CACNB2: variants seen among roughly 807,000 people sequenced by gnomAD.
CACNB2 encodes the protein voltage-dependent L-type calcium channel subunit beta-2.
In CACNB2, 42 loss-of-function variants were observed where a neutral mutation model predicts 73.3. The observed-to-expected ratio is 0.57, with a 90% confidence interval of 0.45 to 0.74. CACNB2 has a LOEUF of 0.74. Among genes scored for constraint, CACNB2 ranks in the 30% least tolerant of loss-of-function variants. CACNB2 has a pLI of 0.00. For missense variants in CACNB2, 940 were observed against 853.0 expected, an observed-to-expected ratio of 1.10 and a Z score of -1.27; for synonymous variants, 348 against 310.3, an observed-to-expected ratio of 1.12 and a Z score of -1.28.
Position 18,461,174 on chromosome 10 carries a change from A to G in CACNB2, c.334-37181A>G, listed in dbSNP as rs553112116. Reference sequence around the variant, plus strand: ...CCTGATCTGCACACCTCGGCCTCCCAAAGTGCTGGGAATACAGGCATGAGC... The same window carrying G: ...CCTGATCTGCACACCTCGGCCTCCCGAAGTGCTGGGAATACAGGCATGAGC... On this transcript the variant is annotated intron_variant, in intron 3 of 13. Transcript: ENST00000324631. 4.0e-3 allele frequency among the ~76,000 whole-genome samples: 610 copies of G among 152,276 alleles called. 4 individuals are homozygous for G. Among genetic ancestry groups the G allele is most frequent in the African/African-American group, 0.014 (565 of 41,556 alleles).
intron 10 of CACNB2, among the ~76,000 whole-genome samples, chr10:18,530,855 AT>A (rs753193528): frequency 6.6e-6 from 1 of 152,146 alleles, no homozygotes; most frequent in Non-Finnish European, 1.5e-5. Flanking sequence ...GAGGTTCAAT[AT>A]GTTACCCACT....
intron 2 of CACNB2, among the ~76,000 whole-genome samples, chr10:18,307,982 A>AAATT (rs1564423318): frequency 1.9e-5 from 1 of 52,670 alleles, no homozygotes; most frequent in African/African-American, 9.1e-5. Context: ...ATATATGCCA[A>AAATT]CTTTTTTTTT....
At chr10:18,231,181 T>C (rs1300882611) in intron 2 of CACNB2, among the ~76,000 whole-genome samples, 4 of 152,170 alleles carry the variant, frequency 2.6e-5, no homozygotes, top group African/African-American at 4.8e-5. Flanking sequence ...TCTTTTTTCT[T>C]CTTCTTCTTT....
intron 2 of CACNB2, among the ~76,000 whole-genome samples, chr10:18,175,864 C>T (rs975548199): frequency 7.9e-5 from 12 of 152,214 alleles, no homozygotes; most frequent in African/African-American, 2.9e-4. Flanking sequence ...TCCCAAAGTG[C>T]TGGGATTACA....
chr10:18,272,844 A>G (rs2038114938), intron 2 of CACNB2, among the ~76,000 whole-genome samples: 1 of 152,148 alleles, frequency 6.6e-6, no homozygotes, highest in Admixed American at 6.5e-5. Flanking sequence ...TGTCTTTTTT[A>G]GCAGCATTAG....
At chr10:18,358,736 G>C (rs2042032342) in intron 2 of CACNB2, among the ~76,000 whole-genome samples, 1 of 152,058 alleles carries the variant, frequency 6.6e-6, no homozygotes, top group Non-Finnish European at 1.5e-5. Context: ...AGCAGTGGAA[G>C]GAATTCAGTT....
intron 2 of CACNB2, among the ~76,000 whole-genome samples, chr10:18,227,226 A>G (rs2036027564): frequency 6.6e-6 from 1 of 152,068 alleles, no homozygotes; most frequent in African/African-American, 2.4e-5. Context: ...AAGAAGGAGA[A>G]GGGGCAGTGC....
intron 2 of CACNB2, among the ~76,000 whole-genome samples, chr10:18,399,659 G>C (rs2043891401): frequency 6.6e-6 from 1 of 151,962 alleles, no homozygotes; most frequent in South Asian, 2.1e-4. Context: ...CTAGGGTTAC[G>C]GTCGTGAGCC....
intron 3 of CACNB2, among the ~76,000 whole-genome samples, chr10:18,488,423 C>T (rs576754357): frequency 7.6e-5 from 10 of 131,890 alleles, no homozygotes; most frequent in Non-Finnish European, 1.1e-4. Context: ...TGCAGTGAGC[C>T]AAAATCACAC....
chr10:18,202,388 G>A (rs1397420658), intron 2 of CACNB2, among the ~76,000 whole-genome samples: 2 of 152,064 alleles, frequency 1.3e-5, no homozygotes, highest in Non-Finnish European at 2.9e-5. Context: ...TCTTCTCTGG[G>A]CCTTGGTTTC....
chr10:18,241,978 A>G (rs1034854553), intron 2 of CACNB2, among the ~76,000 whole-genome samples: 2 of 152,086 alleles, frequency 1.3e-5, no homozygotes, highest in Admixed American at 1.3e-4. Flanking sequence ...TCAATTACGT[A>G]TATAGTCAAC....
chr10:18,496,079 G>T (rs1249093211), intron 3 of CACNB2, among the ~76,000 whole-genome samples: 1 of 151,398 alleles, frequency 6.6e-6, no homozygotes, highest in Admixed American at 6.6e-5. Context: ...CCAGCTACTT[G>T]GGAGGCTAGG....
intron 3 of CACNB2, among the ~76,000 whole-genome samples, chr10:18,456,652 T>C (rs11014316): frequency 0.63 from 95,186 of 151,874 alleles, 30,967 homozygotes; most frequent in Non-Finnish European, 0.72. Context: ...CTGTATCACT[T>C]TCCATTCCTC....
At chr10:18,395,997 C>A (rs11014036) in intron 2 of CACNB2, among the ~76,000 whole-genome samples, 7,100 of 152,246 alleles carry the variant, frequency 0.047, 421 homozygotes, top group African/African-American at 0.12. Flanking sequence ...CCCTCTGTCA[C>A]CCAAGCTGGA....
At position 18,140,674 on chromosome 10, in the gene CACNB2, G is replaced by A. The variant is rs1262324414; in HGVS notation, c.-63G>A. 23 of 1,427,748 alleles carry A rather than the reference G, an allele frequency of 1.6e-5. 1 individual carries two copies. In the South Asian group the frequency reaches 2.2e-4, roughly 14 times the overall value. 88.4% of individuals were successfully genotyped at this position (1,427,748 alleles called of 1,614,324 possible). On this transcript the variant is annotated 5_prime_UTR_variant, in exon 1 of 14. Coordinates refer to ENST00000324631, the MANE Select transcript of CACNB2 (RefSeq NM_201596.3). ...GCCGATCAGAGCGCGGGGAGGCGGGGGCGAGGAGGAGGGGACCCGCCGCCG... is the reference window on the plus strand; with the variant it reads ...GCCGATCAGAGCGCGGGGAGGCGGGAGCGAGGAGGAGGGGACCCGCCGCCG...
At position 18,542,275 on chromosome 10, in the gene CACNB2, C is replaced by T. The variant is rs1026424448; in HGVS notation, c.*2551C>T. On this transcript the variant is annotated 3_prime_UTR_variant, in exon 14 of 14. Transcript: ENST00000324631. Reference sequence around the variant, plus strand: ...TCCCTCAGTTCGTTAATTAGCCCTACACTGTTTACATAAATTTATTTACTG... The same window carrying T: ...TCCCTCAGTTCGTTAATTAGCCCTATACTGTTTACATAAATTTATTTACTG... The T allele has an allele frequency of 2.6e-5, 4 of 152,316 alleles. No homozygotes were observed. The highest frequency in any genetic ancestry group is 2.6e-4 in the Admixed American group (4 of 15,294). 9.4% of individuals were successfully genotyped at this position (152,316 alleles called of 1,614,324 possible). A position where few individuals can be genotyped will look rare whatever the true frequency, so the allele number is the denominator to read the frequency against.
chr10:18,522,423 T>C (rs2051991295), intron 9 of CACNB2, among the ~76,000 whole-genome samples: 1 of 152,158 alleles, frequency 6.6e-6, no homozygotes, highest in African/African-American at 2.4e-5. Context: ...ACTGCTGCAA[T>C]AGATAGTATT....
intron 2 of CACNB2, among the ~76,000 whole-genome samples, chr10:18,401,434 G>T (rs1345438599): frequency 2.0e-5 from 3 of 152,154 alleles, no homozygotes; most frequent in African/African-American, 7.2e-5. Context: ...GTATAAAAAG[G>T]TAAACAAGGC....
At chr10:18,538,501 C>A in intron 13 of CACNB2, 136 bp downstream of exon 13, 1 of 728,984 alleles carries the variant, frequency 1.4e-6, no homozygotes, top group Non-Finnish European at 2.3e-6. Context: ...GCAAGTCCAG[C>A]ATGAGCTGTG....
Sources: allele counts gnomAD v4.1 joint callset (sites outside exome capture counted in the v4.1 genomes callset), GRCh38; gene constraint gnomAD v4.1.1; transcripts MANE v1.5; gene names NCBI Gene and HGNC (gene_info 2026-07-23, HGNC 2026-07-21).